The following CNTN5 variants were observed in gnomAD, a reference collection of about 807,000 sequenced individuals.
CNTN5 encodes the protein contactin 5.
In CNTN5, 77 loss-of-function variants were observed where a neutral mutation model predicts 129.1. The ratio of observed to expected loss-of-function variants is 0.60; its 90% CI spans 0.50 to 0.72. The LOEUF (loss-of-function observed/expected upper bound fraction) is 0.72. CNTN5 is among the 30% of genes least tolerant of loss of function. The pLI is 0.00. For synonymous variants in CNTN5, 509 were observed against 465.6 expected (o/e 1.09, Z -1.20); for missense variants, 1,478 against 1,328.8 (o/e 1.11, Z -1.75).
chr11:99,983,573 C>T (rs1938485325), intron 8 of CNTN5, among the ~76,000 whole-genome samples: 1 of 152,184 alleles, frequency 6.6e-6, no homozygotes, highest in African/African-American at 2.4e-5. Context: ...AGCACAAAAA[C>T]TCTAGTAGTA....
chr11:100,071,954 G>C, intron 12 of CNTN5, 120 bp downstream of exon 12: 1 of 897,756 alleles, frequency 1.1e-6, no homozygotes. Context: ...GGCTTGAAAA[G>C]AAATACTATG....
chr11:99,388,066 T>C (rs1301349718), intron 2 of CNTN5, among the ~76,000 whole-genome samples: 1 of 152,170 alleles, frequency 6.6e-6, no homozygotes, highest in Non-Finnish European at 1.5e-5. Flanking sequence ...CTAAATATTA[T>C]AGCACTCTGC....
At chr11:99,386,918 T>C (rs1370498174) in intron 2 of CNTN5, among the ~76,000 whole-genome samples, 1 of 152,224 alleles carries the variant, frequency 6.6e-6, no homozygotes, top group Non-Finnish European at 1.5e-5. Flanking sequence ...AACTTTTATT[T>C]AAAATTTATT....
chr11:99,109,983 A>T (rs1441850366), intron 1 of CNTN5, among the ~76,000 whole-genome samples: 1 of 152,144 alleles, frequency 6.6e-6, no homozygotes, highest in Non-Finnish European at 1.5e-5. Context: ...CTGGTGAACA[A>T]AATAATCAGA....
intron 1 of CNTN5, among the ~76,000 whole-genome samples, chr11:99,225,718 G>T (rs73000203): frequency 6.6e-6 from 1 of 152,028 alleles, no homozygotes; most frequent in Non-Finnish European, 1.5e-5. Flanking sequence ...CTCTCTAAAT[G>T]CAATTTAATG....
intron 21 of CNTN5, among the ~76,000 whole-genome samples, chr11:100,329,629 G>C (rs1213786485): frequency 1.3e-5 from 2 of 152,174 alleles, no homozygotes; most frequent in Non-Finnish European, 2.9e-5. Context: ...TGCAAGACCT[G>C]AAGATGACTC....
At chr11:99,197,794 A>T (rs1858978249) in intron 1 of CNTN5, among the ~76,000 whole-genome samples, 1 of 152,098 alleles carries the variant, frequency 6.6e-6, no homozygotes, top group Admixed American at 6.5e-5. Context: ...CTATTGGATA[A>T]TATTAGGTAC....
chr11:100,043,270 AT>A (rs1565820452), intron 9 of CNTN5, among the ~76,000 whole-genome samples: 4 of 152,210 alleles, frequency 2.6e-5, no homozygotes, highest in African/African-American at 9.6e-5. Flanking sequence ...CATATGGCAT[AT>A]TCATAATGTC....
At chr11:100,002,959 C>T (rs1939965044) in intron 9 of CNTN5, among the ~76,000 whole-genome samples, 1 of 151,886 alleles carries the variant, frequency 6.6e-6, no homozygotes, top group African/African-American at 2.4e-5. Flanking sequence ...AGAGAGCAAA[C>T]TCCCACAATA....
chr11:100,002,753 T>C (rs1939953184), intron 9 of CNTN5, among the ~76,000 whole-genome samples: 1 of 152,136 alleles, frequency 6.6e-6, no homozygotes, highest in Non-Finnish European at 1.5e-5. Flanking sequence ...TTGTCAATGA[T>C]GTTTACAGTA....
At chr11:99,920,483 A>G (rs1052449953) in intron 7 of CNTN5, among the ~76,000 whole-genome samples, 6 of 152,118 alleles carry the variant, frequency 3.9e-5, no homozygotes, top group African/African-American at 1.2e-4. Context: ...AGGCACTTCA[A>G]TCTTAACCAT....
intron 3 of CNTN5, among the ~76,000 whole-genome samples, chr11:99,644,163 G>C (rs1591411515): frequency 1.3e-5 from 2 of 151,714 alleles, no homozygotes; most frequent in South Asian, 2.1e-4. Flanking sequence ...AAAAAAGACT[G>C]TCTCTAGCGT....
intron 1 of CNTN5, among the ~76,000 whole-genome samples, chr11:99,279,453 T>C (rs918952112): frequency 1.3e-5 from 2 of 151,858 alleles, no homozygotes; most frequent in Non-Finnish European, 2.9e-5. Context: ...ATTTACCCTG[T>C]CCAGGAGATC....
intron 15 of CNTN5, among the ~76,000 whole-genome samples, chr11:100,211,798 T>G (rs567584268): frequency 6.6e-6 from 1 of 152,300 alleles, no homozygotes; most frequent in African/African-American, 2.4e-5. Context: ...ACATAAATTT[T>G]TAAAAGTTTA....
At chr11:99,839,316 T>C (rs983260429) in intron 4 of CNTN5, among the ~76,000 whole-genome samples, 1 of 152,134 alleles carries the variant, frequency 6.6e-6, no homozygotes, top group African/African-American at 2.4e-5. Context: ...GGTAAAATAA[T>C]CGGGTGAAGT....
chr11:100,102,315 T>C (rs1249285894), intron 13 of CNTN5, among the ~76,000 whole-genome samples: 1 of 152,026 alleles, frequency 6.6e-6, no homozygotes, highest in African/African-American at 2.4e-5. Flanking sequence ...CCCTGATAAT[T>C]GTGATGTTGA....
chr11:99,514,971 T>C (rs1292132653), intron 2 of CNTN5, among the ~76,000 whole-genome samples: 5 of 152,052 alleles, frequency 3.3e-5, no homozygotes, highest in Non-Finnish European at 7.4e-5. Context: ...TTTCATCTCA[T>C]AGCTTTTTAA....
intron 1 of CNTN5, among the ~76,000 whole-genome samples, chr11:99,208,348 A>G (rs1423326952): frequency 6.6e-6 from 1 of 152,138 alleles, no homozygotes; most frequent in Non-Finnish European, 1.5e-5. Flanking sequence ...TTATCTAGGC[A>G]AACCTTAATT....
At position 100,179,508 on chromosome 11, in the gene CNTN5, A is replaced by G. The variant is rs563990002; in HGVS notation, c.1581-11618A>G. ...TGAACCAAGTAAAATTGACATTTTT[A>G]TAAGATAAAAATAGCCAAATAATGA... is the stretch of plus-strand genomic sequence containing the variant. On this transcript the variant is annotated intron_variant, in intron 13 of 24. Transcript: ENST00000524871. Among the ~76,000 whole-genome samples the G allele has an allele frequency of 1.1e-4, 16 of 152,272 alleles. No homozygotes were observed. The South Asian group carries it at 3.1e-3, about 30-fold the overall frequency.
Sources: gnomAD v4.1 joint callset for allele counts (sites outside exome capture counted in the v4.1 genomes callset) on GRCh38, gnomAD v4.1.1 for gene constraint, MANE v1.5 for transcripts, NCBI Gene and HGNC (gene_info 2026-07-23, HGNC 2026-07-21) for gene names.